Variants in RGSL1 observed in about 807,000 individuals in gnomAD.
The protein encoded by RGSL1 is regulator of G protein signaling protein-like.
In RGSL1, 97 loss-of-function variants were observed where a neutral mutation model predicts 124.7. The ratio of observed to expected loss-of-function variants is 0.78; its 90% CI spans 0.66 to 0.92. The LOEUF (loss-of-function observed/expected upper bound fraction) is 0.92. RGSL1 is among the 40% of genes least tolerant of loss of function. The pLI, the probability that RGSL1 is intolerant of heterozygous loss-of-function variation, is 0.00. For synonymous variants in RGSL1, 424 were observed against 438.1 expected (o/e 0.97, Z 0.40); for missense variants, 1,233 against 1,288.4 (o/e 0.96, Z 0.66).
intron 4 of RGSL1, among the ~76,000 whole-genome samples, chr1:182,465,789 C>T: frequency 6.6e-6 from 1 of 151,960 alleles, no homozygotes; most frequent in Non-Finnish European, 1.5e-5. Flanking sequence ...ATTGAAGAGG[C>T]AGGATCACTT....
At chr1:182,556,625 C>T (rs79778551) in intron 21 of RGSL1, among the ~76,000 whole-genome samples, 2,613 of 152,268 alleles carry the variant, frequency 0.017, 81 homozygotes, top group African/African-American at 0.06. Flanking sequence ...TGGACTAGAA[C>T]ACACCATTTC....
In RGSL1 at chr1:182,540,385, C is replaced by T. The variant is rs901465686; in HGVS notation, c.2633C>T (p.Ala878Val). 6.4e-6 allele frequency: 10 copies of T among 1,550,710 alleles called. No individual in the cohort carries two copies. The highest frequency in any genetic ancestry group is 1.7e-4 in the Middle Eastern group (1 of 6,002). ...FGHRIITVNF[A>V]INDLYFFSEM... The stretch of plus-strand genomic sequence containing the variant: ...CACAGGATTATCACTGTCAACTTTG[C>T]GATCAATGATCTATATTTCTTTTCT... Residue 878 changes from alanine to valine, a missense_variant, in exon 15 of 22, where the codon GCG (alanine) becomes GTG (valine). Coordinates refer to ENST00000294854, the MANE Select transcript of RGSL1 (RefSeq NM_001137669.2).
At chr1:182,492,874 C>T in intron 8 of RGSL1, 148 bp from the exon 9 acceptor site, 1 of 628,722 alleles carries the variant, frequency 1.6e-6, no homozygotes, top group Non-Finnish European at 2.9e-6. Flanking sequence ...TGTGATCCAC[C>T]CATCTCAGCC....
chr1:182,509,759 T>TGG (rs1380482913), intron 9 of RGSL1, among the ~76,000 whole-genome samples: 1 of 56,400 alleles, frequency 1.8e-5, no homozygotes, highest in Non-Finnish European at 3.7e-5. Flanking sequence ...GCTGGCCGGG[T>TGG]GGGGGGGCTG....
chr1:182,518,581 C>A (rs1377194849), intron 9 of RGSL1, among the ~76,000 whole-genome samples: 1 of 152,164 alleles, frequency 6.6e-6, no homozygotes, highest in Non-Finnish European at 1.5e-5. Context: ...ACTCTGAATT[C>A]TTCCCATGAA....
chr1:182,553,813 C>T (rs187666712), intron 19 of RGSL1, among the ~76,000 whole-genome samples: 1 of 152,292 alleles, frequency 6.6e-6, no homozygotes, highest in East Asian at 1.9e-4. Flanking sequence ...CCTTAAGCTT[C>T]TCTATATCTC....
chr1:182,521,392 T>C (rs2102235518), intron 9 of RGSL1, among the ~76,000 whole-genome samples: 1 of 152,272 alleles, frequency 6.6e-6, no homozygotes, highest in South Asian at 2.1e-4. Flanking sequence ...TTTGATATAT[T>C]TGGGAGAATA....
intron 10 of RGSL1, among the ~76,000 whole-genome samples, chr1:182,525,861 G>A (rs71516943): frequency 2.0e-3 from 8 of 3,988 alleles, no homozygotes; most frequent in African/African-American, 8.8e-3. Flanking sequence ...TATTGACCAC[G>A]GGGAAAAAAG....
rs1033024649 is a variant in RGSL1, at chr1:182,530,313, C to T, written c.2195C>T (p.Thr732Ile). 1 of 1,550,954 alleles carries T rather than the reference C, an allele frequency of 6.4e-7. No homozygotes were observed. The highest frequency in any genetic ancestry group is 8.7e-7 in the Non-Finnish European group (1 of 1,146,572). The change falls in exon 12 of 22, where the codon ACA (threonine) becomes ATA (isoleucine). Residue 732 changes from threonine to isoleucine, a missense_variant. Coordinates refer to ENST00000294854, the MANE Select transcript of RGSL1 (RefSeq NM_001137669.2). ...IASMRHVTTS[T>I]LLTLQGHVMK... ...TCCATGCGTCATGTCACCACAAGCA[C>T]ACTGTTAACGCTCCAGGGACATGTT... is the stretch of plus-strand genomic sequence containing the variant.
intron 6 of RGSL1, among the ~76,000 whole-genome samples, chr1:182,478,059 A>C (rs1211164203): frequency 6.6e-6 from 1 of 152,218 alleles, no homozygotes; most frequent in Non-Finnish European, 1.5e-5. Flanking sequence ...TACTTTTTAT[A>C]AAGAATTTCT....
In RGSL1 at chr1:182,507,857, C is replaced by T. The variant is rs563306314; in HGVS notation, c.1826-14147C>T. 2.9e-4 allele frequency among the ~76,000 whole-genome samples: 44 copies of T among 152,194 alleles called. 1 individual carries two copies. Among genetic ancestry groups the T allele is most frequent in the Middle Eastern group, 3.4e-3 (1 of 294 alleles). ...TAGTTGGGACCACAGGCACATGCCA[C>T]CACACCCAGCTAATTATTTTATTGT... On this transcript the variant is annotated intron_variant, in intron 9 of 21. Coordinates refer to ENST00000294854, the MANE Select transcript of RGSL1 (RefSeq NM_001137669.2).
At position 182,551,114 on chromosome 1, in the gene RGSL1, A is replaced by G. The variant is rs2102330133; in HGVS notation, c.2948A>G (p.Lys983Arg). 1 of 1,551,618 alleles carries G rather than the reference A, an allele frequency of 6.4e-7. No homozygotes were observed. Among genetic ancestry groups the G allele is most frequent in the South Asian group, 1.2e-5 (1 of 84,056 alleles). The change falls in exon 18 of 22, where the codon AAG becomes AGG. Residue 983 changes from lysine (K) to arginine (R), a missense_variant. Coordinates refer to ENST00000294854, the MANE Select transcript of RGSL1 (RefSeq NM_001137669.2). ...TCTTCCCACAGGTTTTGTTTCTGGAAGGCAACCCGCTCTTACTTACAGTAT... is the reference window on the plus strand; with the variant it reads ...TCTTCCCACAGGTTTTGTTTCTGGAGGGCAACCCGCTCTTACTTACAGTAT... Reference protein sequence around the residue: ...MYFWKRFCFWKATRSYLQYRG... With the variant: ...MYFWKRFCFWRATRSYLQYRG...
intron 17 of RGSL1, chr1:182,549,650 T>C (rs1323661844): frequency 2.0e-5 from 3 of 152,106 alleles, no homozygotes; most frequent in African/African-American, 7.2e-5. Context: ...GACACTTAGA[T>C]TATCATGTGA....
chr1:182,472,782 G>C (rs1023660289), intron 5 of RGSL1, among the ~76,000 whole-genome samples: 2 of 152,180 alleles, frequency 1.3e-5, no homozygotes, highest in African/African-American at 2.4e-5. Flanking sequence ...GCCAATGAAG[G>C]CTGGCTGGAA....
chr1:182,452,964 C>CTGAG (rs1157008832), intron 1 of RGSL1, among the ~76,000 whole-genome samples: 1 of 152,134 alleles, frequency 6.6e-6, no homozygotes, highest in African/African-American at 2.4e-5. Context: ...TTGGGTATGA[C>CTGAG]TGAGTGATGG....
chr1:182,499,427 GC>G (rs1222138026), intron 9 of RGSL1, among the ~76,000 whole-genome samples: 2 of 152,252 alleles, frequency 1.3e-5, no homozygotes, highest in South Asian at 4.1e-4. Context: ...ATTATGTGAT[GC>G]CTTTATTTGT....
Position 182,551,162 on chromosome 1 carries a change from G to C in RGSL1, c.2996G>C (p.Arg999Thr). Residue 999 changes from arginine to threonine, a missense_variant, in exon 18 of 22, where the codon AGA (arginine) becomes ACA (threonine). Physicochemically the swap from Arg to Thr is moderately conservative, Grantham distance 71 (BLOSUM62 -1). Transcript: ENST00000294854. The part of the protein sequence containing the change: ...LQYRGKKFKD[R>T]KSPPKSTDKY... ...TATAGGGGGAAGAAGTTCAAGGACA[G>C]AAAAAGCCCTCCTAAATCTACGGAC... 6.4e-7 allele frequency: 1 copy of C among 1,551,722 alleles called. No individual in the cohort carries two copies. Among genetic ancestry groups the C allele is most frequent in the Non-Finnish European group, 8.7e-7 (1 of 1,146,992 alleles).
At chr1:182,522,194 T>C (rs1658398049) in intron 10 of RGSL1, 85 bp downstream of exon 10, 2 of 931,214 alleles carry the variant, frequency 2.1e-6, no homozygotes, top group Non-Finnish European at 3.3e-6. Flanking sequence ...AACTTATCTT[T>C]CTATGTGTAG....
At chr1:182,448,738 T>C (rs951739407), upstream of RGSL1, among the ~76,000 whole-genome samples, 4 of 152,206 alleles carry the variant, frequency 2.6e-5, no homozygotes, top group African/African-American at 9.7e-5. Context: ...TAGAAGGTCA[T>C]GAAAGGGTCA....
Sources: gnomAD v4.1 joint callset for allele counts (sites outside exome capture counted in the v4.1 genomes callset) on GRCh38, gnomAD v4.1.1 for gene constraint, MANE v1.5 for transcripts, NCBI Gene and HGNC (gene_info 2026-07-23, HGNC 2026-07-21) for gene names.